Variants in WDR75 observed in about 807,000 individuals in gnomAD.
WDR75 encodes the protein WD repeat domain 75.
In WDR75, 52 loss-of-function variants were observed where a neutral mutation model predicts 106.1. The observed-to-expected ratio is 0.49, with a 90% confidence interval of 0.39 to 0.62. The LOEUF (loss-of-function observed/expected upper bound fraction) is 0.62. WDR75 is among the 20% of genes least tolerant of loss of function. WDR75 has a pLI of 0.00. For missense variants in WDR75, 905 were observed against 970.3 expected (o/e 0.93, Z 0.89); for synonymous variants, 333 against 335.5 (o/e 0.99, Z 0.08).
At chr2:189,447,913 A>T (rs907593515) in intron 1 of WDR75, among the ~76,000 whole-genome samples, 1 of 152,192 alleles carries the variant, frequency 6.6e-6, no homozygotes, top group African/African-American at 2.4e-5. Context: ...TGTAGCTCCC[A>T]TAATTTCCAC....
intron 1 of WDR75, 60 bp downstream of exon 1, chr2:189,441,638 G>T: frequency 6.5e-7 from 1 of 1,530,138 alleles, no homozygotes; most frequent in Admixed American, 2.0e-5. Context: ...TCGAGGGTCG[G>T]GGAGAAGGAA....
Position 189,448,443 on chromosome 2 carries a change from C to T in WDR75, c.151C>T (p.His51Tyr). 1 of 1,613,934 alleles carries T rather than the reference C, an allele frequency of 6.2e-7. No individual in the cohort carries two copies. The highest frequency in any genetic ancestry group is 8.5e-7 in the Non-Finnish European group (1 of 1,179,864). Residue 51 changes from histidine to tyrosine, a missense_variant, in exon 2 of 21, where the codon CAC (histidine) becomes TAC (tyrosine). His to Tyr is a moderately conservative substitution (Grantham distance 83, BLOSUM62 2). Transcript: ENST00000314761. ...CAGCACAGTTACAGAAGAGTGTGTA[C>T]ACATACTGCATGGACACAGAAATCT... Reference protein sequence around the residue: ...VYSTVTEECVHILHGHRNLVT... With the variant: ...VYSTVTEECVYILHGHRNLVT...
At chr2:189,451,527 T>A (rs1199069894) in intron 3 of WDR75, among the ~76,000 whole-genome samples, 1 of 152,180 alleles carries the variant, frequency 6.6e-6, no homozygotes, top group Admixed American at 6.5e-5. Flanking sequence ...GTACACAAAG[T>A]CCTTATAGCA....
intron 11 of WDR75, chr2:189,464,179 CTG>C (rs1574200063): frequency 3.9e-6 from 2 of 517,866 alleles, no homozygotes; most frequent in Non-Finnish European, 6.8e-6. Flanking sequence ...CCTGTACGTG[CTG>C]TCTCTGTCTT....
chr2:189,458,764 C>A lies in WDR75; in HGVS notation c.581C>A (p.Ser194Ter). The A allele has an allele frequency of 6.3e-7, 1 of 1,578,364 alleles. No homozygotes were observed. The highest frequency in any genetic ancestry group is 8.6e-7 in the Non-Finnish European group (1 of 1,161,496). Residue 194 changes from serine (S) to a stop codon, truncating the protein, a stop_gained, in exon 7 of 21, where the codon TCA becomes TAA. Coordinates refer to ENST00000314761, the MANE Select transcript of WDR75 (RefSeq NM_032168.3). LOFTEE classifies it high-confidence loss of function. ...KKKTTSRFTL[S>*]SSRNKKHAKN... The stretch of plus-strand genomic sequence containing the variant: ...TTTTTTTCTCCTAGGTTTACTTTAT[C>A]ATCATCAAGAAATAAGAAGCATGCT...
rs1282164785 is a variant in WDR75, at chr2:189,441,511, A to G, written c.19A>G (p.Ile7Val). The G allele has an allele frequency of 8.9e-6, 14 of 1,565,616 alleles. No homozygotes were observed. The highest frequency in any genetic ancestry group is 1.7e-4 in the Middle Eastern group (1 of 6,030). Reference sequence around the variant, plus strand: ...CGCAAAGATGGTGGAGGAGGAGAACATCCGCGTGGTTCGTTGTGGCGGCAG... The same window carrying G: ...CGCAAAGATGGTGGAGGAGGAGAACGTCCGCGTGGTTCGTTGTGGCGGCAG... The part of the protein sequence containing the change: MVEEEN[I>V]RVVRCGGSEL... Residue 7 changes from isoleucine (I) to valine (V), a missense_variant, in exon 1 of 21, where the codon ATC (isoleucine) becomes GTC (valine). Transcript: ENST00000314761.
chr2:189,455,708 GTTAA>G (rs1466399561), intron 5 of WDR75: 77 of 244,602 alleles, frequency 3.1e-4, no homozygotes, highest in African/African-American at 1.3e-3. Flanking sequence ...CCTCCCATAT[GTTAA>G]TTAATTAATG....
At chr2:189,442,720 G>C (rs1485813693) in intron 1 of WDR75, among the ~76,000 whole-genome samples, 1 of 152,032 alleles carries the variant, frequency 6.6e-6, no homozygotes, top group Non-Finnish European at 1.5e-5. Flanking sequence ...AAAGTGCAGC[G>C]ATTACAGTGA....
chr2:189,449,152 GTTC>G lies in WDR75; in HGVS notation c.216+647_216+649del, dbSNP rs147048140. The G allele has an allele frequency of 2.2e-3, 1,894 of 871,730 alleles. 32 individuals are homozygous for G. In the African/African-American group the frequency reaches 0.03, roughly 14 times the overall value. 54.0% of individuals were successfully genotyped at this position (871,730 alleles called of 1,614,324 possible). A position where few individuals can be genotyped will look rare whatever the true frequency, so the allele number is the denominator to read the frequency against. ...ATAATGAAATGGTCATGTTAATTCT[GTTC>G]TTAAGTTTCGGCAAATCTACTAAAA... On this transcript the variant is annotated intron_variant, in intron 2 of 20. Transcript: ENST00000314761.
chr2:189,442,680 C>T (rs924492026), intron 1 of WDR75, among the ~76,000 whole-genome samples: 3 of 152,004 alleles, frequency 2.0e-5, no homozygotes, highest in Non-Finnish European at 2.9e-5. Flanking sequence ...GAACTCCTGG[C>T]CTCAAGTGAT....
rs1686976813 is a variant in WDR75, at chr2:189,465,231, G to A, written c.1266G>A (p.Trp422Ter). ...ETELELQMKL[W>*]MYNKKTQGFI... Reference sequence around the variant, plus strand: ...AGCTTGAATTGCAAATGAAACTGTGGATGTATAATAAGAAAACACAAGGGT... The same window carrying A: ...AGCTTGAATTGCAAATGAAACTGTGAATGTATAATAAGAAAACACAAGGGT... The change falls in exon 12 of 21, where the codon TGG becomes TGA. Residue 422 changes from tryptophan (W) to a stop codon, truncating the protein, a stop_gained. Transcript: ENST00000314761. LOFTEE classifies it high-confidence loss of function. 6.2e-7 allele frequency: 1 copy of A among 1,612,326 alleles called. No homozygotes were observed. The highest frequency in any genetic ancestry group is 1.1e-5 in the South Asian group (1 of 90,926).
chr2:189,458,193 G>T (rs1686780299), intron 6 of WDR75, among the ~76,000 whole-genome samples: 1 of 152,150 alleles, frequency 6.6e-6, no homozygotes, highest in Admixed American at 6.5e-5. Context: ...AAAGTGCTGG[G>T]ATTACAGGCG....
chr2:189,458,796 A>C lies in WDR75; in HGVS notation c.613A>C (p.Asn205His). 2 of 1,605,734 alleles carry C rather than the reference A, an allele frequency of 1.2e-6. No individual in the cohort carries two copies. The highest frequency in any genetic ancestry group is 1.7e-6 in the Non-Finnish European group (2 of 1,176,450). Residue 205 changes from asparagine to histidine, a missense_variant, in exon 7 of 21, where the codon AAT becomes CAT. Coordinates refer to ENST00000314761, the MANE Select transcript of WDR75 (RefSeq NM_032168.3). The part of the protein sequence containing the change: ...SSRNKKHAKN[N>H]FTCVACHPTE... ...AAGAAATAAGAAGCATGCTAAAAAC[A>C]ATTTTACATGTGTAGCATGTCACCC...
At position 189,462,597 on chromosome 2, in the gene WDR75, G is replaced by A. The variant is rs1160081835; in HGVS notation, c.892G>A (p.Val298Ile). The change falls in exon 9 of 21, where the codon GTC becomes ATC. Residue 298 changes from valine (V) to isoleucine (I), a missense_variant. Val to Ile is a conservative substitution (Grantham distance 29, BLOSUM62 3). Coordinates refer to ENST00000314761, the MANE Select transcript of WDR75 (RefSeq NM_032168.3). ...RLGATIEHIS[V>I]SPAGDLFCTS... ...AGGAGCTACTATTGAACATATCTCA[G>A]TCTCGCCTGCAGGAGATTTATTCTG... The A allele has an allele frequency of 1.9e-6, 3 of 1,613,882 alleles. No individual in the cohort carries two copies. Among genetic ancestry groups the A allele is most frequent in the Non-Finnish European group, 2.5e-6 (3 of 1,179,966 alleles).
intron 18 of WDR75, among the ~76,000 whole-genome samples, chr2:189,473,569 C>T (rs956413693): frequency 6.6e-6 from 1 of 152,264 alleles, no homozygotes. Flanking sequence ...CCACCACCAC[C>T]GCTATCCATA....
chr2:189,454,504 T>C (rs1488136098), intron 4 of WDR75, among the ~76,000 whole-genome samples: 1 of 151,698 alleles, frequency 6.6e-6, no homozygotes, highest in Non-Finnish European at 1.5e-5. Context: ...ACCAGTAAGA[T>C]ACAAGTTGAT....
In WDR75 at chr2:189,450,883, G is replaced by A. The variant is rs547737562; in HGVS notation, c.217-20G>A. The A allele has an allele frequency of 5.9e-5, 95 of 1,597,616 alleles. No individual in the cohort carries two copies. The highest frequency in any genetic ancestry group is 7.9e-5 in the Non-Finnish European group (93 of 1,176,190). ...AATTTCTTTTTTTTAAATCAATTTTGTATTGTTTTACCCTTTTAGCTGTAT... is the reference window on the plus strand; with the variant it reads ...AATTTCTTTTTTTTAAATCAATTTTATATTGTTTTACCCTTTTAGCTGTAT... On this transcript the variant is annotated intron_variant, in intron 2 of 20. Transcript: ENST00000314761.
At chr2:189,446,655 A>G (rs1686505324) in intron 1 of WDR75, among the ~76,000 whole-genome samples, 1 of 152,234 alleles carries the variant, frequency 6.6e-6, no homozygotes, top group African/African-American at 2.4e-5. Flanking sequence ...GTTGTAATAC[A>G]GTAGCTCTCC....
rs201491463 is a variant in WDR75, at chr2:189,448,523, A to T, written c.216+15A>T. The T allele has an allele frequency of 6.2e-7, 1 of 1,611,406 alleles. No homozygotes were observed. Among genetic ancestry groups the T allele is most frequent in the Non-Finnish European group, 8.5e-7 (1 of 1,179,140 alleles). ...ACCATCTACAGGTGTCAAACAGTTT[A>T]TAGCTGAATACTTTAAGACTGGCTT... is the stretch of plus-strand genomic sequence containing the variant. On this transcript the variant is annotated intron_variant, in intron 2 of 20. Transcript: ENST00000314761.
Sources: allele counts gnomAD v4.1 joint callset (sites outside exome capture counted in the v4.1 genomes callset), GRCh38; gene constraint gnomAD v4.1.1; transcripts MANE v1.5; gene names NCBI Gene and HGNC (gene_info 2026-07-23, HGNC 2026-07-21).